LRRFIP1: variants seen among roughly 807,000 people sequenced by gnomAD.
LRRFIP1 encodes the protein leucine-rich repeat flightless-interacting protein 1.
Under a neutral mutation model 104.4 loss-of-function variants are expected in LRRFIP1, and 62 were observed. The observed-to-expected ratio is 0.59, with a 90% CI of 0.48 to 0.73. LRRFIP1 has a LOEUF of 0.73. Ranked by LOEUF, LRRFIP1 falls within the 30% of genes least tolerant of loss-of-function variation. The pLI, the probability that LRRFIP1 is intolerant of heterozygous loss-of-function variation, is 0.00. For missense variants in LRRFIP1, 796 were observed against 824.5 expected, an observed-to-expected ratio of 0.97 and a Z score of 0.42; for synonymous variants, 300 against 299.0, an observed-to-expected ratio of 1.00 and a Z score of -0.03.
intron 1 of LRRFIP1, among the ~76,000 whole-genome samples, chr2:237,677,283 C>G (rs565141647): frequency 1.3e-5 from 2 of 152,206 alleles, no homozygotes; most frequent in Non-Finnish European, 2.9e-5. Context: ...TGGAATCATA[C>G]AGCATTTGTC....
At chr2:237,647,188 C>T (rs1014103160) in intron 1 of LRRFIP1, among the ~76,000 whole-genome samples, 1 of 151,992 alleles carries the variant, frequency 6.6e-6, no homozygotes, top group Admixed American at 6.5e-5. Flanking sequence ...GATGCTGTTA[C>T]AAACATTCTG....
intron 18 of LRRFIP1, among the ~76,000 whole-genome samples, chr2:237,759,069 T>TA (rs766282644): frequency 1.3e-5 from 2 of 152,236 alleles, no homozygotes; most frequent in Non-Finnish European, 2.9e-5. Context: ...AATTTTTTGA[T>TA]ACATTATCTA....
intron 11 of LRRFIP1, among the ~76,000 whole-genome samples, chr2:237,739,953 T>G (rs2095364163): frequency 6.6e-6 from 1 of 151,996 alleles, no homozygotes; most frequent in South Asian, 2.1e-4. Context: ...GGACTGGGGC[T>G]TGTGGGAATG....
chr2:237,779,751 C>T lies in LRRFIP1; in HGVS notation c.*219C>T, dbSNP rs1047014674. 5.3e-5 allele frequency: 23 copies of T among 437,546 alleles called. No individual in the cohort carries two copies. Among genetic ancestry groups the T allele is most frequent in the African/African-American group, 3.6e-4 (18 of 49,784 alleles). 27.1% of individuals were successfully genotyped at this position (437,546 alleles called of 1,614,324 possible). ...GCAGACCCCTGGCCCGGGCTGGCGC[C>T]GACGCTCAGAACCTGCAGGTACTTC... On this transcript the variant is annotated 3_prime_UTR_variant, in exon 24 of 24. Coordinates refer to ENST00000308482, the MANE Select transcript of LRRFIP1 (RefSeq NM_001137550.2).
At chr2:237,657,441 T>C (rs897238859) in intron 1 of LRRFIP1, among the ~76,000 whole-genome samples, 2 of 152,188 alleles carry the variant, frequency 1.3e-5, no homozygotes, top group African/African-American at 4.8e-5. Context: ...AACAGTCTAA[T>C]CGTGTTTTCA....
chr2:237,641,885 C>T (rs1418853755), intron 1 of LRRFIP1, among the ~76,000 whole-genome samples: 1 of 152,150 alleles, frequency 6.6e-6, no homozygotes, highest in Admixed American at 6.5e-5. Flanking sequence ...GGAGGACTTC[C>T]AGGGCGTCGT....
At chr2:237,727,186 T>C (rs1040547847) in intron 7 of LRRFIP1, among the ~76,000 whole-genome samples, 1 of 151,656 alleles carries the variant, frequency 6.6e-6, no homozygotes, top group Non-Finnish European at 1.5e-5. Context: ...TGAAACCCCG[T>C]CTCTACTAAA....
rs1375590175 is a variant in LRRFIP1, at chr2:237,735,654, T to G, written c.555+321T>G. On this transcript the variant is annotated intron_variant, in intron 10 of 23. Coordinates refer to ENST00000308482, the MANE Select transcript of LRRFIP1 (RefSeq NM_001137550.2). The surrounding 1 kb of genome is among the most constrained non-coding windows in gnomAD (Gnocchi z 4.6). ...TAATAAAAACGGGAAAAGGACAACT[T>G]GACAGACCACACATCATTCTCGTCC... The G allele has an allele frequency of 1.4e-5, 4 of 287,646 alleles. No individual in the cohort carries two copies. The highest frequency in any genetic ancestry group is 4.9e-5 in the Admixed American group (1 of 20,402). 17.8% of individuals were successfully genotyped at this position (287,646 alleles called of 1,614,324 possible).
intron 1 of LRRFIP1, among the ~76,000 whole-genome samples, chr2:237,697,666 T>A (rs900106015): frequency 2.6e-5 from 4 of 152,204 alleles, no homozygotes; most frequent in African/African-American, 9.7e-5. Context: ...GGAAACAATT[T>A]AAATGTTTTT....
intron 2 of LRRFIP1, among the ~76,000 whole-genome samples, chr2:237,709,127 A>G (rs561784235): frequency 6.6e-6 from 1 of 152,302 alleles, no homozygotes; most frequent in Non-Finnish European, 1.5e-5. Context: ...GAACACATGG[A>G]TGAAACAGCC....
At chr2:237,704,063 G>A (rs1414239979) in intron 1 of LRRFIP1, among the ~76,000 whole-genome samples, 3 of 151,770 alleles carry the variant, frequency 2.0e-5, no homozygotes, top group Non-Finnish European at 4.4e-5. Flanking sequence ...TCTCCCCAAT[G>A]TCTGCCATCT....
chr2:237,749,361 C>G, intron 13 of LRRFIP1, 37 bp downstream of exon 13: 1 of 1,604,814 alleles, frequency 6.2e-7, no homozygotes. Context: ...CTTGAGAGAA[C>G]CTTTTGTAAA....
chr2:237,720,377 A>G (rs1224723058), intron 5 of LRRFIP1, among the ~76,000 whole-genome samples: 3 of 151,862 alleles, frequency 2.0e-5, no homozygotes, highest in Non-Finnish European at 4.4e-5. Flanking sequence ...CCTCCTGAGT[A>G]CCTGGGATTA....
Position 237,727,890 on chromosome 2 carries a change from T to C in LRRFIP1, c.399T>C (p.Asp133=). 1 of 1,611,768 alleles carries C rather than the reference T, an allele frequency of 6.2e-7. No homozygotes were observed. Among genetic ancestry groups the C allele is most frequent in the Non-Finnish European group, 8.5e-7 (1 of 1,178,774 alleles). ...GGPYAWTNGY[D]GELYGSQSLN... ...CATTGAAACAGACAAATGGTTATGA[T>C]GGAGAATTGTATGGATCACAGTCCC... Residue 133 remains aspartate, a synonymous_variant, in exon 8 of 24, where the codon GAT becomes GAC. Transcript: ENST00000308482.
chr2:237,708,842 C>A, intron 2 of LRRFIP1: 1 of 688,022 alleles, frequency 1.5e-6, no homozygotes, highest in Non-Finnish European at 2.7e-6. Flanking sequence ...CTGCTGGCTC[C>A]TGAGAGGGGC....
intron 15 of LRRFIP1, among the ~76,000 whole-genome samples, chr2:237,753,790 C>CAAAA (rs749198309): frequency 8.3e-4 from 62 of 74,700 alleles, no homozygotes; most frequent in East Asian, 6.8e-3. Context: ...GACACTGTCT[C>CAAAA]AAAAAAAAAA....
At chr2:237,777,698 A>G (rs2061206316) in intron 23 of LRRFIP1, among the ~76,000 whole-genome samples, 1 of 151,896 alleles carries the variant, frequency 6.6e-6, no homozygotes, top group South Asian at 2.1e-4. Context: ...TGAGATATAT[A>G]GTGTTTCTTG....
At chr2:237,772,647 T>C in intron 21 of LRRFIP1, 1 of 583,940 alleles carries the variant, frequency 1.7e-6, no homozygotes, top group Admixed American at 3.2e-5. Flanking sequence ...TTGCCTGAGG[T>C]TTCCTGCCCC....
Position 237,733,769 on chromosome 2 carries a change from T to A in LRRFIP1, c.445-5T>A, listed in dbSNP as rs777491629. The A allele has an allele frequency of 6.2e-7, 1 of 1,614,002 alleles. No individual in the cohort carries two copies. ...TAAAACCTGCCATTTGCTTTCATCCTCCAGCCCTCCTGTCTGTACAGCGCT... is the reference window on the plus strand; with the variant it reads ...TAAAACCTGCCATTTGCTTTCATCCACCAGCCCTCCTGTCTGTACAGCGCT... On this transcript the variant is annotated splice_polypyrimidine_tract_variant and splice_region_variant and intron_variant, in intron 8 of 23. Transcript: ENST00000308482.
Sources: gnomAD v4.1 joint callset for allele counts (sites outside exome capture counted in the v4.1 genomes callset) on GRCh38, gnomAD v4.1.1 for gene constraint, Gnocchi (gnomAD v3.1) non-coding constraint, MANE v1.5 for transcripts, NCBI Gene and HGNC (gene_info 2026-07-23, HGNC 2026-07-21) for gene names.